POU5F2: variants seen among roughly 807,000 people sequenced by gnomAD.
POU5F2 encodes the protein POU domain class 5, transcription factor 2, also known as POU domain, class 5, transcription factor 2.
For synonymous variants in POU5F2, 191 were observed against 178.7 expected, an observed-to-expected ratio of 1.07 and a Z score of -0.55; for missense variants, 401 against 426.6, an observed-to-expected ratio of 0.94 and a Z score of 0.53.
chr5:93,741,133 TGCGAGTACCCTAG>T, the POU5F2 span: 2 of 1,613,888 alleles, frequency 1.2e-6, no homozygotes, highest in Non-Finnish European at 1.7e-6. Flanking sequence ...CACATCGGCC[TGCGAGTACCCTAG>T]GCTCAACCTC....
Position 93,736,448 on chromosome 5 carries a change from C to G in POU5F2, c.*4129G>C, listed in dbSNP as rs1747222653. 1 of 152,164 alleles carries G rather than the reference C, an allele frequency of 6.6e-6. No individual in the cohort carries two copies. Among genetic ancestry groups the G allele is most frequent in the Non-Finnish European group, 1.5e-5 (1 of 68,034 alleles). The allele number at this position is 152,164 out of a possible 1,614,324, so 9.4% of individuals were successfully genotyped here. On this transcript the variant is annotated 3_prime_UTR_variant, in exon 1 of 1. Transcript: ENST00000606183. ...TTCATTCCTGAAAGCTGAGCTACAT[C>G]TGGGCTACTTCATGTTGTGGACTAT...
rs1245353972 is a variant in POU5F2 at position 93,740,181 on chromosome 5, T to C, written c.*396A>G. ...TGATTTTAAGTAAAAAATTGTATAC[T>C]AAGGTAGTCTTCTGTGACTTGAGTT... is the stretch of plus-strand genomic sequence containing the variant. On this transcript the variant is annotated 3_prime_UTR_variant, in exon 1 of 1. Coordinates refer to ENST00000606183, the MANE Select transcript of POU5F2 (RefSeq NM_153216.2). 1 of 161,286 alleles carries C rather than the reference T, an allele frequency of 6.2e-6. No individual in the cohort carries two copies. Among genetic ancestry groups the C allele is most frequent in the Non-Finnish European group, 1.4e-5 (1 of 73,924 alleles). 10.0% of individuals were successfully genotyped at this position (161,286 alleles called of 1,614,324 possible).
In POU5F2 at chr5:93,741,079, G is replaced by A. The variant is rs543983400; in HGVS notation, c.485C>T (p.Thr162Met). 1.2e-6 allele frequency: 2 copies of A among 1,613,810 alleles called. No homozygotes were observed. The highest frequency in any genetic ancestry group is 1.7e-5 in the Admixed American group (1 of 60,020). ...CTGGGCCTCGAAGCGGCAGATGGTC[G>A]TCTGGCTAAGCACCTTCCCAAACAG... ...GALFGKVLSQTTICRFEAQQL... is the reference protein window; with the variant it reads ...GALFGKVLSQMTICRFEAQQL... Residue 162 changes from threonine (T) to methionine (M), a missense_variant, in exon 1 of 1, where the codon ACG becomes ATG. By Grantham distance (81) the Thr-to-Met change is moderately conservative. Transcript: ENST00000606183.
chr5:93,737,634 A>T lies in POU5F2; in HGVS notation c.*2943T>A. Reference sequence around the variant, plus strand: ...AAAACAGTGTGGTACTGGCATAAAGACAGACATATAGACCAACAGAAGAGA... The same window carrying T: ...AAAACAGTGTGGTACTGGCATAAAGTCAGACATATAGACCAACAGAAGAGA... On this transcript the variant is annotated 3_prime_UTR_variant, in exon 1 of 1. Transcript: ENST00000606183. 1 of 186,042 alleles carries T rather than the reference A, an allele frequency of 5.4e-6. No individual in the cohort carries two copies. Among genetic ancestry groups the T allele is most frequent in the Non-Finnish European group, 1.1e-5 (1 of 88,472 alleles). The allele number at this position is 186,042 out of a possible 1,614,324, so 11.5% of individuals were successfully genotyped here. A position where few individuals can be genotyped will look rare whatever the true frequency, so the allele number is the denominator to read the frequency against.
In POU5F2 at chr5:93,741,596, G is replaced by C. The variant is rs1225533447; in HGVS notation, c.-33C>G. 1 of 1,473,830 alleles carries C rather than the reference G, an allele frequency of 6.8e-7. No homozygotes were observed. The allele number at this position is 1,473,830 out of a possible 1,614,324, so 91.3% of individuals were successfully genotyped here. A position where few individuals can be genotyped will look rare whatever the true frequency, so the allele number is the denominator to read the frequency against. On this transcript the variant is annotated 5_prime_UTR_variant, in exon 1 of 1. Coordinates refer to ENST00000606183, the MANE Select transcript of POU5F2 (RefSeq NM_153216.2). ...ATGGCACCCGCAGCGGCTCTGGTAG[G>C]AACTGATGGCCCTCGAGGCTTCAGA...
rs1365883714 is a variant in POU5F2 at position 93,739,488 on chromosome 5, A to G, written c.*1089T>C. ...ACATTGACAAGATTACTATCCAGAA[A>G]TAAGACATAAACTCTGATATAATAC... is the stretch of plus-strand genomic sequence containing the variant. On this transcript the variant is annotated 3_prime_UTR_variant, in exon 1 of 1. Coordinates refer to ENST00000606183, the MANE Select transcript of POU5F2 (RefSeq NM_153216.2). The G allele has an allele frequency of 2.6e-5, 4 of 152,206 alleles. No individual in the cohort carries two copies. The highest frequency in any genetic ancestry group is 2.1e-4 in the South Asian group (1 of 4,832). 9.4% of individuals were successfully genotyped at this position (152,206 alleles called of 1,614,324 possible).
In POU5F2 at chr5:93,739,057, A is replaced by T. The variant is rs1747824029; in HGVS notation, c.*1520T>A. On this transcript the variant is annotated 3_prime_UTR_variant, in exon 1 of 1. Transcript: ENST00000606183. ...TGTGTGACAGTAAAATTATCCCTGG[A>T]CTTGAGGTCAGAAGATCAGAGTTAA... The T allele has an allele frequency of 6.6e-6, 1 of 152,166 alleles. No individual in the cohort carries two copies. Among genetic ancestry groups the T allele is most frequent in the South Asian group, 2.1e-4 (1 of 4,826 alleles). 9.4% of individuals were successfully genotyped at this position (152,166 alleles called of 1,614,324 possible).
rs75105045 is a variant in POU5F2 at position 93,738,047 on chromosome 5, A to C, written c.*2530T>G. The C allele has an allele frequency of 0.014, 4,789 of 349,072 alleles. 211 individuals are homozygous for C. The highest frequency in any genetic ancestry group is 0.097 in the African/African-American group (4,449 of 45,828). 21.6% of individuals were successfully genotyped at this position (349,072 alleles called of 1,614,324 possible). A position where few individuals can be genotyped will look rare whatever the true frequency, so the allele number is the denominator to read the frequency against. On this transcript the variant is annotated 3_prime_UTR_variant, in exon 1 of 1. Coordinates refer to ENST00000606183, the MANE Select transcript of POU5F2 (RefSeq NM_153216.2). ...GTAAAAGGACAACCCACAGAATGGG[A>C]GAAAATACTTGCAAACCATCTATCT...
At position 93,740,748 on chromosome 5, in the gene POU5F2, A is replaced by C; in HGVS notation, c.816T>G (p.Ala272=). The change falls in exon 1 of 1, where the codon GCT becomes GCG. Residue 272 remains alanine (A), a synonymous_variant. Coordinates refer to ENST00000606183, the MANE Select transcript of POU5F2 (RefSeq NM_153216.2). The stretch of plus-strand genomic sequence containing the variant: ...CTGTCCCCACAATCTCCCGTGGGGA[A>C]GCATCATTGGTTGGTCGACTGCCCA... ...SKMGSRPTND[A]SPREIVGTAG... 1 of 1,612,658 alleles carries C rather than the reference A, an allele frequency of 6.2e-7. No individual in the cohort carries two copies. Among genetic ancestry groups the C allele is most frequent in the Non-Finnish European group, 8.5e-7 (1 of 1,179,250 alleles).
Position 93,735,535 on chromosome 5 carries a change from C to A in POU5F2, c.*5042G>T, listed in dbSNP as rs978994081. The A allele has an allele frequency of 5.3e-5, 8 of 152,156 alleles. No homozygotes were observed. Among genetic ancestry groups the A allele is most frequent in the African/African-American group, 1.9e-4 (8 of 41,418 alleles). The allele number at this position is 152,156 out of a possible 1,614,324, so 9.4% of individuals were successfully genotyped here. ...CTTTACAGCTCTTATGTTCACAACA[C>A]AATCAGAGTTGTTTATTCTGGCATT... On this transcript the variant is annotated 3_prime_UTR_variant, in exon 1 of 1. Transcript: ENST00000606183.
chr5:93,741,401 AGATCCCT>A, the POU5F2 span: 9 of 1,613,248 alleles, frequency 5.6e-6, no homozygotes, highest in Non-Finnish European at 7.6e-6. Context: ...GGGCCTGGGC[AGATCCCT>A]GGCCTGACTG....
chr5:93,736,007 T>C lies in POU5F2; in HGVS notation c.*4570A>G, dbSNP rs1216200085. On this transcript the variant is annotated 3_prime_UTR_variant, in exon 1 of 1. Transcript: ENST00000606183. ...AAGCATTAAGAGCAGACATTAAGTT[T>C]TTCTTGAGCACTGATGTAGCCCTAA... 6.6e-6 allele frequency: 1 copy of C among 152,110 alleles called. No individual in the cohort carries two copies. Among genetic ancestry groups the C allele is most frequent in the East Asian group, 1.9e-4 (1 of 5,176 alleles). 9.4% of individuals were successfully genotyped at this position (152,110 alleles called of 1,614,324 possible). A position where few individuals can be genotyped will look rare whatever the true frequency, so the allele number is the denominator to read the frequency against.
Position 93,741,028 on chromosome 5 carries a change from T to C in POU5F2, c.536A>G (p.Lys179Arg), listed in dbSNP as rs771303188. The C allele has an allele frequency of 2.3e-5, 37 of 1,613,840 alleles. No homozygotes were observed. The highest frequency in any genetic ancestry group is 2.9e-5 in the Non-Finnish European group (34 of 1,179,908). ...CCACTTTTTCAGCAGTGGTCGCAGC[T>C]TCCACATGTTGGCGACGCTTAGCTG... ...AQQLSVANMW[K>R]LRPLLKKWLK... The change falls in exon 1 of 1, where the codon AAG becomes AGG. Residue 179 changes from lysine to arginine, a missense_variant. By Grantham distance (26) the Lys-to-Arg change is conservative (BLOSUM62 2). Transcript: ENST00000606183.
chr5:93,740,720 C>T lies in POU5F2; in HGVS notation c.844G>A (p.Gly282Arg), dbSNP rs756723677. The change falls in exon 1 of 1, where the codon GGG becomes AGG. Residue 282 changes from glycine (G) to arginine (R), a missense_variant. By Grantham distance (125) the Gly-to-Arg change is moderately radical. Transcript: ENST00000606183. ...ASPREIVGTA[G>R]PPCPGAPVCF... ...ACTGGTGCTCCTGGGCAAGGAGGCC[C>T]GGCTGTCCCCACAATCTCCCGTGGG... The T allele has an allele frequency of 3.1e-6, 5 of 1,613,132 alleles. No individual in the cohort carries two copies. The Admixed American group carries it at 6.7e-5, about 22-fold the overall frequency.
rs899184449 is a variant in POU5F2, at chr5:93,735,615, T to A, written c.*4962A>T. 6.6e-6 allele frequency: 1 copy of A among 152,252 alleles called. No homozygotes were observed. The highest frequency in any genetic ancestry group is 2.4e-5 in the African/African-American group (1 of 41,460). The allele number at this position is 152,252 out of a possible 1,614,324, so 9.4% of individuals were successfully genotyped here. On this transcript the variant is annotated 3_prime_UTR_variant, in exon 1 of 1. Coordinates refer to ENST00000606183, the MANE Select transcript of POU5F2 (RefSeq NM_153216.2). ...CCTTTCTAAGGCTTTCCAGAAGGGC[T>A]GTCTAGGAAAAGGAGGAAATGGAGT... is the stretch of plus-strand genomic sequence containing the variant.
chr5:93,741,225 C>T lies in POU5F2; in HGVS notation c.339G>A (p.Leu113=). ...PYIALRSIPK[L]PPPEDISGIL... is the part of the protein sequence containing the mutation. ...TGCCCGAGATGTCCTCTGGCGGCGG[C>T]AACTTCGGAATGCTCCGCAGGGCAA... The change falls in exon 1 of 1, where the codon TTG becomes TTA. Residue 113 remains leucine (L), a synonymous_variant. Coordinates refer to ENST00000606183, the MANE Select transcript of POU5F2 (RefSeq NM_153216.2). The T allele has an allele frequency of 6.2e-7, 1 of 1,613,888 alleles. No individual in the cohort carries two copies. Among genetic ancestry groups the T allele is most frequent in the Non-Finnish European group, 8.5e-7 (1 of 1,179,888 alleles).
In POU5F2 at chr5:93,740,442, AT is replaced by A; in HGVS notation, c.*134del. ...ACAATTCCCACCCCCATTCCCTACT[AT>A]GTATCCTTAACTTCTTTAGACAGTG... On this transcript the variant is annotated 3_prime_UTR_variant, in exon 1 of 1. Coordinates refer to ENST00000606183, the MANE Select transcript of POU5F2 (RefSeq NM_153216.2). 2.1e-6 allele frequency: 2 copies of A among 938,138 alleles called. No homozygotes were observed. The highest frequency in any genetic ancestry group is 3.2e-6 in the Non-Finnish European group (2 of 632,392). The allele number at this position is 938,138 out of a possible 1,614,324, so 58.1% of individuals were successfully genotyped here. A position where few individuals can be genotyped will look rare whatever the true frequency, so the allele number is the denominator to read the frequency against.
In POU5F2 at chr5:93,736,951, C is replaced by T. The variant is rs1396074133; in HGVS notation, c.*3626G>A. On this transcript the variant is annotated 3_prime_UTR_variant, in exon 1 of 1. Transcript: ENST00000606183. ...ACAACACAGTACTACACATTTTTGCCAGAGCAAGTGAGTAAGAAAAAGAAA... is the reference window on the plus strand; with the variant it reads ...ACAACACAGTACTACACATTTTTGCTAGAGCAAGTGAGTAAGAAAAAGAAA... 2 of 151,956 alleles carry T rather than the reference C, an allele frequency of 1.3e-5. No homozygotes were observed. The highest frequency in any genetic ancestry group is 4.8e-5 in the African/African-American group (2 of 41,374). 9.4% of individuals were successfully genotyped at this position (151,956 alleles called of 1,614,324 possible). A position where few individuals can be genotyped will look rare whatever the true frequency, so the allele number is the denominator to read the frequency against.
Position 93,735,319 on chromosome 5 carries a change from T to C in POU5F2, c.*5258A>G, listed in dbSNP as rs1365997243. On this transcript the variant is annotated 3_prime_UTR_variant, in exon 1 of 1. Coordinates refer to ENST00000606183, the MANE Select transcript of POU5F2 (RefSeq NM_153216.2). ...ATCTAGTGATAGAAAATCTTTTAAA[T>C]TATGTGAAGCTGATTAGTGACACAT... 1 of 152,236 alleles carries C rather than the reference T, an allele frequency of 6.6e-6. No homozygotes were observed. Among genetic ancestry groups the C allele is most frequent in the Admixed American group, 6.5e-5 (1 of 15,282 alleles). 9.4% of individuals were successfully genotyped at this position (152,236 alleles called of 1,614,324 possible).
Sources: gnomAD v4.1 joint callset for allele counts on GRCh38, gnomAD v4.1.1 for gene constraint, MANE v1.5 for transcripts, NCBI Gene and HGNC (gene_info 2026-07-23, HGNC 2026-07-21) for gene names.